The following SPTB variants were observed in gnomAD, a reference collection of about 807,000 sequenced individuals.
SPTB encodes the protein spectrin beta, erythrocytic, also known as spectrin beta chain, erythrocytic.
In SPTB, 45 loss-of-function variants were observed where a neutral mutation model predicts 256.2. The ratio of observed to expected loss-of-function variants is 0.18; its 90% CI spans 0.14 to 0.23. SPTB has a LOEUF of 0.23. Ranked by LOEUF, SPTB falls within the 10% of genes least tolerant of loss-of-function variation. The pLI, the probability that SPTB is intolerant of heterozygous loss-of-function variation, is 1.00. For missense variants in SPTB, 2,715 were observed against 3,040.4 expected (o/e 0.89, Z 2.52); for synonymous variants, 1,231 against 1,243.1 (o/e 0.99, Z 0.21).
chr14:64,817,402 T>C (rs962931991), intron 2 of SPTB, among the ~76,000 whole-genome samples: 2 of 152,246 alleles, frequency 1.3e-5, no homozygotes, highest in Non-Finnish European at 2.9e-5. Flanking sequence ...TTTCCCAATA[T>C]GTAGTCTCTA....
At chr14:64,848,871 T>C (rs1306878211) in intron 1 of SPTB, among the ~76,000 whole-genome samples, 3 of 152,230 alleles carry the variant, frequency 2.0e-5, no homozygotes, top group South Asian at 2.1e-4. Context: ...TTTATATTAA[T>C]AAAAATCAAT....
At position 64,772,495 on chromosome 14, in the gene SPTB, G is replaced by T. The variant is rs561914646; in HGVS notation, c.5553+85C>A. On this transcript the variant is annotated intron_variant, in intron 26 of 35. Coordinates refer to ENST00000644917, the MANE Select transcript of SPTB (RefSeq NM_001355436.2). This position sits in a 1 kb window ranked among gnomAD's most constrained non-coding sequence, Gnocchi z 5.4. ...AAACCTCCTGGCACTTATCCTAGAG[G>T]TTTTCCTGCTGACAGCCAGGTGGGG... The T allele has an allele frequency of 2.6e-6, 4 of 1,559,734 alleles. No individual in the cohort carries two copies. The highest frequency in any genetic ancestry group is 2.6e-6 in the Non-Finnish European group (3 of 1,159,088).
chr14:64,749,621 TAGCC>T lies in SPTB; in HGVS notation c.6819+29_6819+32del, dbSNP rs767427013. The T allele has an allele frequency of 2.2e-5, 36 of 1,612,830 alleles. No individual in the cohort carries two copies. In the African/African-American group the frequency reaches 4.5e-4, roughly 20 times the overall value. The stretch of plus-strand genomic sequence containing the variant: ...TGGGGTCCTCCACCTACCCCCTTCT[TAGCC>T]AGGTCTGGGCTAGGCTGCCCGCGCT... On this transcript the variant is annotated intron_variant, in intron 35 of 35. Coordinates refer to ENST00000644917, the MANE Select transcript of SPTB (RefSeq NM_001355436.2). The surrounding 1 kb of genome is among the most constrained non-coding windows in gnomAD (Gnocchi z 4.7).
At chr14:64,868,033 A>C (rs556764766) in intron 1 of SPTB, among the ~76,000 whole-genome samples, 1 of 152,290 alleles carries the variant, frequency 6.6e-6, no homozygotes, top group South Asian at 2.1e-4. Context: ...CTAGGAAGAG[A>C]GGTCGGAACA....
chr14:64,771,815 G>T (rs2082282921), intron 26 of SPTB, among the ~76,000 whole-genome samples: 1 of 152,182 alleles, frequency 6.6e-6, no homozygotes, highest in African/African-American at 2.4e-5. Context: ...GTCCCCTTTT[G>T]GATGAACCAG....
In SPTB at chr14:64,773,381, C is replaced by T. The variant is rs756999416; in HGVS notation, c.5017G>A (p.Ala1673Thr). Residue 1673 changes from alanine (A) to threonine (T), a missense_variant, in exon 25 of 36, where the codon GCA becomes ACA. Ala to Thr is a moderately conservative substitution (Grantham distance 58). Around this residue, in one of 4 missense-constraint regions of SPTB, gnomAD observed 2,239 missense variants for 2,384.4 expected, o/e 0.94. Transcript: ENST00000644917. ...TCTTCCGCCACGTCCTTCAGCCCTG[C>T]GTAGTGCTTGTCCACTTGCCCCTGA... ...RLQGQVDKHYAGLKDVAEERK... is the reference protein window; with the variant it reads ...RLQGQVDKHYTGLKDVAEERK... 36 of 1,614,176 alleles carry T rather than the reference C, an allele frequency of 2.2e-5. No homozygotes were observed. The highest frequency in any genetic ancestry group is 2.6e-5 in the Non-Finnish European group (31 of 1,180,046).
intron 1 of SPTB, among the ~76,000 whole-genome samples, chr14:64,833,176 C>T (rs2083473723): frequency 6.6e-6 from 1 of 152,186 alleles, no homozygotes. Flanking sequence ...ATGCTGTTTC[C>T]TAAGCCCGAA....
Position 64,823,013 on chromosome 14 carries a change from C to T in SPTB, c.82G>A (p.Asp28Asn), listed in dbSNP as rs369115877. 1.3e-5 allele frequency: 21 copies of T among 1,613,996 alleles called. No individual in the cohort carries two copies. The highest frequency in any genetic ancestry group is 2.7e-5 in the African/African-American group (2 of 74,928). The change falls in exon 2 of 36, where the codon GAC becomes AAC. Residue 28 changes from aspartate (D) to asparagine (N), a missense_variant. Asp to Asn is a conservative substitution (Grantham distance 23). Coordinates refer to ENST00000644917, the MANE Select transcript of SPTB (RefSeq NM_001355436.2). The surrounding 1 kb of genome is among the most constrained non-coding windows in gnomAD (Gnocchi z 6.5). ...GAGCTGTTGTCATTATCCAGCTCGTCGTCTGGGGCGTCCCAGCGGGCATTG... is the reference window on the plus strand; with the variant it reads ...GAGCTGTTGTCATTATCCAGCTCGTTGTCTGGGGCGTCCCAGCGGGCATTG... ...RINARWDAPD[D>N]ELDNDNSSAR...
rs2083598629 is a variant in SPTB, at chr14:64,841,019, T to G, written c.-51-17874A>C. Among the ~76,000 whole-genome samples, 1 of 152,228 alleles carries G rather than the reference T, an allele frequency of 6.6e-6. No individual in the cohort carries two copies. Among genetic ancestry groups the G allele is most frequent in the Non-Finnish European group, 1.5e-5 (1 of 68,046 alleles). On this transcript the variant is annotated intron_variant, in intron 1 of 35. Transcript: ENST00000644917. This position sits in a 1 kb window ranked among gnomAD's most constrained non-coding sequence, Gnocchi z 4.6. ...CTGGAAAAACTGCTTTTCTCTGTGC[T>G]CCAGTTTCCTCACCCAGTTAAAAGT...
chr14:64,751,946 T>TAAAAAAAAAAAAAAAAAAAAAAAAAAA (rs1566731898), intron 33 of SPTB, among the ~76,000 whole-genome samples: 23 of 90,466 alleles, frequency 2.5e-4, no homozygotes, highest in Non-Finnish European at 4.2e-4. Context: ...AAAAAAAAAT[T>TAAAAAAAAAAAAAAAAAAAAAAAAAAA]AGCCAGGCGT....
At chr14:64,856,084 G>A (rs1296409261) in intron 1 of SPTB, among the ~76,000 whole-genome samples, 2 of 152,358 alleles carry the variant, frequency 1.3e-5, no homozygotes, top group African/African-American at 2.4e-5. Flanking sequence ...GGGAAGAAAT[G>A]GGAGGAAAAG....
intron 27 of SPTB, among the ~76,000 whole-genome samples, chr14:64,770,667 C>T (rs1463362360): frequency 6.6e-6 from 1 of 152,242 alleles, no homozygotes; most frequent in African/African-American, 2.4e-5. Context: ...ACACTCAGGA[C>T]TCTCCTGACT....
At chr14:64,809,592 A>C (rs2083050800) in intron 2 of SPTB, among the ~76,000 whole-genome samples, 1 of 152,068 alleles carries the variant, frequency 6.6e-6, no homozygotes, top group African/African-American at 2.4e-5. Flanking sequence ...TGATCCACCC[A>C]CCTTGGCCTC....
intron 10 of SPTB, among the ~76,000 whole-genome samples, 200 bp downstream of exon 10, chr14:64,797,529 C>G (rs1168146156): frequency 3.1e-5 from 3 of 96,270 alleles, no homozygotes; most frequent in Non-Finnish European, 4.1e-5. Context: ...GGCATCTGAA[C>G]AGGGGGATTG....
At chr14:64,864,235 T>C (rs915590228) in intron 1 of SPTB, among the ~76,000 whole-genome samples, 130 of 151,938 alleles carry the variant, frequency 8.6e-4, no homozygotes, top group African/African-American at 2.8e-3. Flanking sequence ...GGTGGGAGGA[T>C]CACTTGAGCC....
chr14:64,793,218 A>G lies in SPTB; in HGVS notation c.2445T>C (p.Asp815=). The G allele has an allele frequency of 6.2e-7, 1 of 1,611,736 alleles. No individual in the cohort carries two copies. The highest frequency in any genetic ancestry group is 2.2e-5 in the East Asian group (1 of 44,884). ...QAQGFPEEFR[D]SPDVTHRLQA... ...GCAGCCGATGGGTCACATCTGGGGAATCCCGAAACTCTTCGGGGAATCCCT... is the reference window on the plus strand; with the variant it reads ...GCAGCCGATGGGTCACATCTGGGGAGTCCCGAAACTCTTCGGGGAATCCCT... Residue 815 remains aspartate, a synonymous_variant, in exon 14 of 36, where the codon GAT becomes GAC. Transcript: ENST00000644917. This position sits in a 1 kb window ranked among gnomAD's most constrained non-coding sequence, Gnocchi z 7.0.
intron 1 of SPTB, among the ~76,000 whole-genome samples, chr14:64,834,428 C>CTTT (rs553895880): frequency 7.4e-6 from 1 of 134,638 alleles, no homozygotes; most frequent in Admixed American, 7.4e-5. Flanking sequence ...CTCTACAAAT[C>CTTT]TTTTTTTTTT....
intron 33 of SPTB, 95 bp downstream of exon 33, chr14:64,753,442 C>G (rs2081978662): frequency 6.3e-7 from 1 of 1,592,310 alleles, no homozygotes; most frequent in Non-Finnish European, 8.5e-7. Context: ...GCACCCCTCC[C>G]CCAGCACATG....
At position 64,847,427 on chromosome 14, in the gene SPTB, G is replaced by A. The variant is rs972083183; in HGVS notation, c.-51-24282C>T. ...TCTAGGGGAGAATTTTCCAACCTGTGTCCAGTGGGAATTGGAGGAGGGGGT... is the reference window on the plus strand; with the variant it reads ...TCTAGGGGAGAATTTTCCAACCTGTATCCAGTGGGAATTGGAGGAGGGGGT... On this transcript the variant is annotated intron_variant, in intron 1 of 35. Transcript: ENST00000644917. This position sits in a 1 kb window ranked among gnomAD's most constrained non-coding sequence, Gnocchi z 5.9. 2.6e-5 allele frequency among the ~76,000 whole-genome samples: 4 copies of A among 152,192 alleles called. No individual in the cohort carries two copies. Among genetic ancestry groups the A allele is most frequent in the Admixed American group, 1.3e-4 (2 of 15,284 alleles).
Sources: gnomAD v4.1 joint callset for allele counts (sites outside exome capture counted in the v4.1 genomes callset) on GRCh38, gnomAD v4.1.1 for gene constraint, gnomAD v4.1.1 regional missense constraint, Gnocchi (gnomAD v3.1) non-coding constraint, MANE v1.5 for transcripts, NCBI Gene and HGNC (gene_info 2026-07-23, HGNC 2026-07-21) for gene names.